Variants in IFNAR2 observed in about 807,000 individuals in gnomAD.
IFNAR2 encodes interferon alpha/beta receptor 2.
IFNAR2 carries 30 observed loss-of-function variants against 49.4 expected under a neutral mutation model. The observed-to-expected ratio is 0.61, with a 90% CI of 0.45 to 0.82. The LOEUF (loss-of-function observed/expected upper bound fraction) is 0.82. IFNAR2 is among the 40% of genes least tolerant of loss of function. IFNAR2 has a pLI of 0.00. For missense variants in IFNAR2, 600 were observed against 622.7 expected, an observed-to-expected ratio of 0.96 and a Z score of 0.39; for synonymous variants, 224 against 234.5, an observed-to-expected ratio of 0.96 and a Z score of 0.41.
At chr21:33,253,760 T>C (rs921706538) in intron 7 of IFNAR2, among the ~76,000 whole-genome samples, 3 of 152,200 alleles carry the variant, frequency 2.0e-5, no homozygotes, top group Non-Finnish European at 2.9e-5. Context: ...TTTTAGACCA[T>C]GTAGGGTAAC....
rs963520567 is a variant in IFNAR2 at position 33,230,302 on chromosome 21, G to T, written c.-84+86G>T. On this transcript the variant is annotated intron_variant, in intron 1 of 8. Transcript: ENST00000342136. This position sits in a 1 kb window ranked among gnomAD's most constrained non-coding sequence, Gnocchi z 5.5. ...CGCCGCCTCCCTGCAGCGGTTCCCGGAATCCCCTCCGGTTCCCTCTCGCTC... is the reference window on the plus strand; with the variant it reads ...CGCCGCCTCCCTGCAGCGGTTCCCGTAATCCCCTCCGGTTCCCTCTCGCTC... 2.5e-5 allele frequency: 27 copies of T among 1,070,030 alleles called. No individual in the cohort carries two copies. The highest frequency in any genetic ancestry group is 3.0e-5 in the Non-Finnish European group (26 of 857,740). 66.3% of individuals were successfully genotyped at this position (1,070,030 alleles called of 1,614,324 possible).
intron 1 of IFNAR2, chr21:33,234,780 A>G (rs1986324357): frequency 1.0e-6 from 1 of 982,736 alleles, no homozygotes. Context: ...CTGGGAAGCC[A>G]CATGAGTTGT....
chr21:33,261,035 CTTTTTTT>C (rs368696822), intron 8 of IFNAR2, among the ~76,000 whole-genome samples: 132 of 95,980 alleles, frequency 1.4e-3, no homozygotes, highest in Non-Finnish European at 2.1e-3. Context: ...GTTTTCTTTC[CTTTTTTT>C]TTTTTTTTTT....
At chr21:33,250,914 G>A (rs566134922) in intron 6 of IFNAR2, among the ~76,000 whole-genome samples, 47 of 152,330 alleles carry the variant, frequency 3.1e-4, no homozygotes, top group African/African-American at 1.1e-3. Context: ...GAATGAAGCA[G>A]GTGAGGGTTA....
chr21:33,248,669 C>CTCTGTGACATATTCCTG (rs755701572), intron 5 of IFNAR2, 40 bp from the exon 6 acceptor site: 1 of 1,560,260 alleles, frequency 6.4e-7, no homozygotes, highest in South Asian at 1.2e-5. Context: ...CACATATGGT[C>CTCTGTGACATATTCCTG]TCTGTGACAT....
chr21:33,252,316 G>A, intron 6 of IFNAR2: 4 of 561,028 alleles, frequency 7.1e-6, no homozygotes, highest in Non-Finnish European at 8.7e-6. Flanking sequence ...ACTTTCTCAA[G>A]TGTAAAGTAG....
chr21:33,237,111 T>G (rs1601788525), intron 1 of IFNAR2, among the ~76,000 whole-genome samples: 1 of 76,288 alleles, frequency 1.3e-5, no homozygotes, highest in East Asian at 6.2e-4. Flanking sequence ...GTGTGTGTGT[T>G]TTCTCGGCTG....
At position 33,241,764 on chromosome 21, in the gene IFNAR2, G is replaced by A. The variant is rs530578684; in HGVS notation, c.-83-76G>A. On this transcript the variant is annotated intron_variant, in intron 1 of 8. Coordinates refer to ENST00000342136, the MANE Select transcript of IFNAR2 (RefSeq NM_001289125.3). The stretch of plus-strand genomic sequence containing the variant: ...GACCAGGCTCACTTGAATAAATGGG[G>A]TAAATGACTAGGAATTTTACTATTC... 4.7e-6 allele frequency: 5 copies of A among 1,057,272 alleles called. No homozygotes were observed. The African/African-American group carries it at 4.9e-5, about 10-fold the overall frequency. The allele number at this position is 1,057,272 out of a possible 1,614,324, so 65.5% of individuals were successfully genotyped here. A position where few individuals can be genotyped will look rare whatever the true frequency, so the allele number is the denominator to read the frequency against.
intron 4 of IFNAR2, among the ~76,000 whole-genome samples, chr21:33,246,291 C>T (rs1192624968): frequency 6.6e-6 from 1 of 152,062 alleles, no homozygotes; most frequent in East Asian, 1.9e-4. Context: ...AGGATGGTCT[C>T]AATCTCCTGA....
rs541291982 is a variant in IFNAR2 at position 33,242,167 on chromosome 21, C to A, written c.55+190C>A. ...AGTAGTTTAGATTCAATGTAGATTC[C>A]TGTCCTGTTGTTAATTTTAGGAAAA... On this transcript the variant is annotated intron_variant, in intron 2 of 8. Coordinates refer to ENST00000342136, the MANE Select transcript of IFNAR2 (RefSeq NM_001289125.3). 6.6e-5 allele frequency among the ~76,000 whole-genome samples: 10 copies of A among 152,314 alleles called. No homozygotes were observed. The East Asian group carries it at 1.9e-3, about 29-fold the overall frequency.
intron 7 of IFNAR2, among the ~76,000 whole-genome samples, chr21:33,257,868 C>G (rs1174415823): frequency 6.6e-6 from 1 of 152,126 alleles, no homozygotes; most frequent in Non-Finnish European, 1.5e-5. Context: ...CCACAGATGG[C>G]CTTCCTGAGA....
At chr21:33,255,593 A>T (rs1018248630) in intron 7 of IFNAR2, among the ~76,000 whole-genome samples, 1 of 124 alleles carries the variant, frequency 8.1e-3, no homozygotes, top group Non-Finnish European at 0.022. Context: ...GTCCCTGGGG[A>T]GTCAGGTGTA....
chr21:33,243,273 AG>A, intron 2 of IFNAR2, among the ~76,000 whole-genome samples: 1 of 152,148 alleles, frequency 6.6e-6, no homozygotes, highest in Non-Finnish European at 1.5e-5. Flanking sequence ...TAGTAGAGAC[AG>A]GGTTTTGCCG....
chr21:33,230,286 C>T lies in IFNAR2; in HGVS notation c.-84+70C>T. On this transcript the variant is annotated intron_variant, in intron 1 of 8. Coordinates refer to ENST00000342136, the MANE Select transcript of IFNAR2 (RefSeq NM_001289125.3). The surrounding 1 kb of genome is among the most constrained non-coding windows in gnomAD (Gnocchi z 5.5). ...CTGACTGGAGGGAAAACGCCGCCTC[C>T]CTGCAGCGGTTCCCGGAATCCCCTC... The T allele has an allele frequency of 9.1e-7, 1 of 1,103,432 alleles. No individual in the cohort carries two copies. Among genetic ancestry groups the T allele is most frequent in the Non-Finnish European group, 1.1e-6 (1 of 891,174 alleles). The allele number at this position is 1,103,432 out of a possible 1,614,324, so 68.4% of individuals were successfully genotyped here. A position where few individuals can be genotyped will look rare whatever the true frequency, so the allele number is the denominator to read the frequency against.
chr21:33,246,018 T>C (rs1434329203), intron 4 of IFNAR2, among the ~76,000 whole-genome samples: 2 of 151,682 alleles, frequency 1.3e-5, no homozygotes, highest in Non-Finnish European at 2.9e-5. Context: ...AAGGGAGATC[T>C]GAGGCTTCCA....
chr21:33,261,624 C>T (rs1325092006), intron 8 of IFNAR2, among the ~76,000 whole-genome samples: 1 of 152,194 alleles, frequency 6.6e-6, no homozygotes, highest in Non-Finnish European at 1.5e-5. Context: ...CCTGTAATCT[C>T]AGCACTTTGG....
chr21:33,244,009 T>TA (rs1422167520), intron 3 of IFNAR2, among the ~76,000 whole-genome samples: 1 of 152,176 alleles, frequency 6.6e-6, no homozygotes, highest in Non-Finnish European at 1.5e-5. Flanking sequence ...CTGTGCCAAA[T>TA]AAAAAATGGC....
chr21:33,244,822 G>A (rs1342081865), intron 3 of IFNAR2, 129 bp from the exon 4 acceptor site: 9 of 796,776 alleles, frequency 1.1e-5, no homozygotes, highest in Non-Finnish European at 1.7e-5. Flanking sequence ...CTGTTTTCAA[G>A]ACACCAGGGC....
rs138252103 is a variant in IFNAR2 at position 33,237,991 on chromosome 21, A to G, written c.-83-3849A>G. 3.5e-4 allele frequency among the ~76,000 whole-genome samples: 54 copies of G among 152,268 alleles called. No homozygotes were observed. The East Asian group carries it at 9.8e-3, about 28-fold the overall frequency. ...CCAGGACATACAAACAAAAAGAAGA[A>G]GCAGATAAGCTATAGGTCTGCCTTT... On this transcript the variant is annotated intron_variant, in intron 1 of 8. Transcript: ENST00000342136.
Sources: gnomAD v4.1 joint callset for allele counts (sites outside exome capture counted in the v4.1 genomes callset) on GRCh38, gnomAD v4.1.1 for gene constraint, Gnocchi (gnomAD v3.1) non-coding constraint, MANE v1.5 for transcripts, NCBI Gene and HGNC (gene_info 2026-07-23, HGNC 2026-07-21) for gene names.